NRXN1: variants seen among roughly 807,000 people sequenced by gnomAD.
The protein encoded by NRXN1 is neurexin-1.
A neutral mutation model predicts 150.9 loss-of-function variants in NRXN1; 39 were observed. The ratio of observed to expected loss-of-function variants is 0.26; its 90% confidence interval spans 0.20 to 0.34. The LOEUF (loss-of-function observed/expected upper bound fraction) is 0.34. Ranked by LOEUF, NRXN1 falls within the 10% of genes least tolerant of loss-of-function variation. The pLI, the probability that NRXN1 is intolerant of heterozygous loss-of-function variation, is 1.00. For missense variants in NRXN1, 1,815 were observed against 1,949.9 expected, an observed-to-expected ratio of 0.93 and a Z score of 1.30; for synonymous variants, 924 against 757.0, an observed-to-expected ratio of 1.22 and a Z score of -3.62.
chr2:50,095,519 A>G (rs1045145868), intron 18 of NRXN1, among the ~76,000 whole-genome samples: 1 of 152,168 alleles, frequency 6.6e-6, no homozygotes, highest in Admixed American at 6.5e-5. Context: ...TCATCAGAGT[A>G]TTAATTATTA....
intron 5 of NRXN1, among the ~76,000 whole-genome samples, chr2:50,816,252 G>A (rs1668916676): frequency 6.6e-6 from 1 of 152,008 alleles, no homozygotes; most frequent in African/African-American, 2.4e-5. Flanking sequence ...CTTTGGGAGG[G>A]TGATGTTAAA....
At chr2:50,342,795 T>C (rs928279775) in intron 17 of NRXN1, among the ~76,000 whole-genome samples, 4 of 152,260 alleles carry the variant, frequency 2.6e-5, no homozygotes, top group African/African-American at 9.6e-5. Flanking sequence ...TCTGAGCTCA[T>C]AGAATTGCTC....
At chr2:50,742,195 G>T (rs1699508074) in intron 5 of NRXN1, among the ~76,000 whole-genome samples, 1 of 151,792 alleles carries the variant, frequency 6.6e-6, no homozygotes, top group Admixed American at 6.6e-5. Flanking sequence ...TTGACTAAAT[G>T]TTTCAAAGAG....
chr2:50,828,217 G>A (rs536399079), intron 5 of NRXN1, among the ~76,000 whole-genome samples: 144 of 150,500 alleles, frequency 9.6e-4, no homozygotes, highest in Middle Eastern at 3.6e-3. Flanking sequence ...CGGACGGGGC[G>A]GCCGGGCAGA....
chr2:50,530,187 A>C (rs1217979770), intron 11 of NRXN1, among the ~76,000 whole-genome samples: 1 of 152,192 alleles, frequency 6.6e-6, no homozygotes, highest in Non-Finnish European at 1.5e-5. Context: ...GATAACACTG[A>C]AAATTTGGGC....
rs577864858 is a variant in NRXN1, at chr2:50,839,582, C to A, written c.832+82287G>T. On this transcript the variant is annotated intron_variant, in intron 5 of 22. Coordinates refer to ENST00000401669, the MANE Select transcript of NRXN1 (RefSeq NM_001330078.2). ...AAGATCTTCATGCATCTTTGCATCTCTAGCATCTAGGGCCACACCAAACAC... is the reference window on the plus strand; with the variant it reads ...AAGATCTTCATGCATCTTTGCATCTATAGCATCTAGGGCCACACCAAACAC... Among the ~76,000 whole-genome samples, 12 of 152,224 alleles carry A rather than the reference C, an allele frequency of 7.9e-5. No homozygotes were observed. In the South Asian group the frequency reaches 2.5e-3, roughly 32 times the overall value.
chr2:50,806,453 G>A (rs889387199), intron 5 of NRXN1, among the ~76,000 whole-genome samples: 10 of 151,782 alleles, frequency 6.6e-5, no homozygotes, highest in African/African-American at 2.2e-4. Flanking sequence ...TTCATTTGTC[G>A]TATTGTTATT....
chr2:50,943,480 T>C (rs544108251), intron 2 of NRXN1, among the ~76,000 whole-genome samples: 1 of 152,342 alleles, frequency 6.6e-6, no homozygotes, highest in South Asian at 2.1e-4. Flanking sequence ...ACATTTCTAT[T>C]TCTCTTTTTA....
At chr2:50,752,977 T>A (rs1700773743) in intron 5 of NRXN1, among the ~76,000 whole-genome samples, 1 of 151,946 alleles carries the variant, frequency 6.6e-6, no homozygotes, top group Non-Finnish European at 1.5e-5. Flanking sequence ...CCATCTTTAT[T>A]TGGCATGCTC....
chr2:50,129,272 T>A (rs149706035), intron 18 of NRXN1, among the ~76,000 whole-genome samples: 38 of 152,266 alleles, frequency 2.5e-4, no homozygotes, highest in African/African-American at 8.9e-4. Context: ...TCAAAGCTCC[T>A]ATAACTTCTG....
At chr2:50,383,434 A>G (rs887677924) in intron 17 of NRXN1, among the ~76,000 whole-genome samples, 1 of 152,162 alleles carries the variant, frequency 6.6e-6, no homozygotes, top group African/African-American at 2.4e-5. Flanking sequence ...CTCAAAACAC[A>G]TGAGATTTAA....
chr2:50,373,284 T>A (rs1170822716), intron 17 of NRXN1, among the ~76,000 whole-genome samples: 2 of 131,110 alleles, frequency 1.5e-5, no homozygotes, highest in Admixed American at 1.6e-4. Flanking sequence ...AGATTTATTT[T>A]ATTTTATTTT....
chr2:50,295,857 GA>G (rs2073497625), intron 17 of NRXN1, among the ~76,000 whole-genome samples: 1 of 152,182 alleles, frequency 6.6e-6, no homozygotes, highest in South Asian at 2.1e-4. Context: ...TTACTGCACT[GA>G]AAGACAATTG....
At chr2:50,132,274 T>C (rs1247978838) in intron 18 of NRXN1, among the ~76,000 whole-genome samples, 1 of 151,596 alleles carries the variant, frequency 6.6e-6, no homozygotes, top group Admixed American at 6.6e-5. Flanking sequence ...GTGTCATACG[T>C]TTCTTTATGC....
Position 50,443,367 on chromosome 2 carries a change from C to T in NRXN1, c.3364+22075G>A, listed in dbSNP as rs74650657. On this transcript the variant is annotated intron_variant, in intron 17 of 22. Coordinates refer to ENST00000401669, the MANE Select transcript of NRXN1 (RefSeq NM_001330078.2). ...TTCTTATTGCTTTTAGCTTTGTCTT[C>T]AAGTACGGCCTTGGCCTTCAGTCGT... is the stretch of plus-strand genomic sequence containing the variant. Among the ~76,000 whole-genome samples, 4,153 of 152,232 alleles carry T rather than the reference C, an allele frequency of 0.027. 415 individuals are homozygous for T. The East Asian group carries it at 0.3, about 11-fold the overall frequency.
intron 5 of NRXN1, among the ~76,000 whole-genome samples, chr2:50,847,173 G>A (rs1673780939): frequency 6.6e-6 from 1 of 152,154 alleles, no homozygotes; most frequent in South Asian, 2.1e-4. Context: ...CCTGCTTCAA[G>A]AGACAAGGGA....
At chr2:49,998,031 G>A (rs1478583859) in intron 21 of NRXN1, among the ~76,000 whole-genome samples, 1 of 152,160 alleles carries the variant, frequency 6.6e-6, no homozygotes, top group African/African-American at 2.4e-5. Context: ...AGCAGAGTGG[G>A]ATGACCTTTC....
intron 15 of NRXN1, among the ~76,000 whole-genome samples, chr2:50,476,959 CAGAG>C (rs1168061522): frequency 6.6e-6 from 1 of 152,056 alleles, no homozygotes; most frequent in Non-Finnish European, 1.5e-5. Context: ...CTTAGAAAAT[CAGAG>C]AAATAACAGG....
intron 21 of NRXN1, among the ~76,000 whole-genome samples, chr2:50,020,287 C>T (rs1449707195): frequency 6.6e-6 from 1 of 152,132 alleles, no homozygotes; most frequent in East Asian, 1.9e-4. Context: ...TGGTTTTACT[C>T]TTTGTTATAT....
Sources: gnomAD v4.1 joint callset for allele counts (sites outside exome capture counted in the v4.1 genomes callset) on GRCh38, gnomAD v4.1.1 for gene constraint, MANE v1.5 for transcripts, NCBI Gene and HGNC (gene_info 2026-07-23, HGNC 2026-07-21) for gene names.